The following SLC18A1 variants were observed in gnomAD, a reference collection of about 807,000 sequenced individuals.
The protein encoded by SLC18A1 is solute carrier family 18 member A1.
A neutral mutation model predicts 53.7 loss-of-function variants in SLC18A1; 69 were observed. The observed-to-expected ratio is 1.28, with a 90% confidence interval of 1.06 to 1.57. SLC18A1 has a LOEUF of 1.57. SLC18A1 is among the 40% of genes most tolerant of loss of function. SLC18A1 has a pLI of 0.00. For synonymous variants in SLC18A1, 320 were observed against 248.1 expected, an observed-to-expected ratio of 1.29 and a Z score of -2.72; for missense variants, 932 against 668.1, an observed-to-expected ratio of 1.40 and a Z score of -4.35.
intron 10 of SLC18A1, among the ~76,000 whole-genome samples, chr8:20,164,122 G>A (rs1230039170): frequency 6.6e-6 from 1 of 152,146 alleles, no homozygotes; most frequent in Admixed American, 6.5e-5. Context: ...ACTATATCAT[G>A]TTCTTATCAG....
At chr8:20,180,298 A>C (rs2072392010) in intron 2 of SLC18A1, among the ~76,000 whole-genome samples, 1 of 152,202 alleles carries the variant, frequency 6.6e-6, no homozygotes, top group Non-Finnish European at 1.5e-5. Context: ...CATATGTTTT[A>C]CCCAAGAGGA....
At chr8:20,165,141 T>A in intron 8 of SLC18A1, 34 bp from the exon 9 acceptor site, 1 of 1,524,154 alleles carries the variant, frequency 6.6e-7, no homozygotes, top group East Asian at 2.2e-5. Context: ...TGTCCATTTG[T>A]ACAGTGCATA....
chr8:20,177,094 C>T (rs75006749), intron 4 of SLC18A1, among the ~76,000 whole-genome samples: 6,818 of 152,266 alleles, frequency 0.045, 213 homozygotes, highest in Non-Finnish European at 0.068. Flanking sequence ...TGAAATAGGG[C>T]ACCTGGCATC....
At chr8:20,151,387 C>T (rs1336293940) in intron 10 of SLC18A1, among the ~76,000 whole-genome samples, 1 of 152,042 alleles carries the variant, frequency 6.6e-6, no homozygotes, top group Non-Finnish European at 1.5e-5. Context: ...TGATTATCAG[C>T]GTGAGAATGT....
At chr8:20,166,014 A>G (rs928364499) in intron 8 of SLC18A1, among the ~76,000 whole-genome samples, 2 of 152,172 alleles carry the variant, frequency 1.3e-5, no homozygotes, top group Non-Finnish European at 2.9e-5. Context: ...TAAAGAGATC[A>G]TTCGCTTACC....
In SLC18A1 at chr8:20,174,423, T is replaced by C. The variant is rs1202873343; in HGVS notation, c.569A>G (p.Tyr190Cys). The C allele has an allele frequency of 5.0e-6, 8 of 1,613,716 alleles. No homozygotes were observed. Among genetic ancestry groups the C allele is most frequent in the South Asian group, 2.2e-5 (2 of 91,064 alleles). Reference protein sequence around the residue: ...STVMFAFSGTYTLLFVARTLQ... With the variant: ...STVMFAFSGTCTLLFVARTLQ... ...GGTTCGGGCCACAAAGAGTAGAGTA[T>C]AGGTCCCAGAAAAAGCAAACACTGG... Residue 190 changes from tyrosine to cysteine, a missense_variant, in exon 5 of 16, where the codon TAT (tyrosine) becomes TGT (cysteine). By Grantham distance (194) the Tyr-to-Cys change is radical. Transcript: ENST00000276373.
intron 10 of SLC18A1, among the ~76,000 whole-genome samples, chr8:20,151,428 C>G (rs1375163199): frequency 6.6e-6 from 1 of 152,164 alleles, no homozygotes; most frequent in Non-Finnish European, 1.5e-5. Flanking sequence ...TTGGGTGCCA[C>G]ATACCCATAC....
chr8:20,156,824 C>G (rs1026504911), intron 10 of SLC18A1, among the ~76,000 whole-genome samples: 1 of 152,196 alleles, frequency 6.6e-6, no homozygotes. Context: ...AATCCTGACT[C>G]AAAGGGTTAC....
At chr8:20,176,005 A>C (rs1417547598) in intron 4 of SLC18A1, 1 of 152,126 alleles carries the variant, frequency 6.6e-6, no homozygotes, top group African/African-American at 2.4e-5. Context: ...ACTGAAACTC[A>C]AAATACCCCA....
chr8:20,153,996 C>T (rs900329070), intron 10 of SLC18A1, among the ~76,000 whole-genome samples: 2 of 152,132 alleles, frequency 1.3e-5, no homozygotes, highest in Admixed American at 6.6e-5. Context: ...GTGCTGTCCC[C>T]ATCCTCACGG....
intron 8 of SLC18A1, among the ~76,000 whole-genome samples, chr8:20,167,206 G>A (rs946676470): frequency 6.6e-6 from 1 of 151,708 alleles, no homozygotes; most frequent in African/African-American, 2.4e-5. Context: ...CACACTAAAG[G>A]TGGAAAAAAG....
intron 8 of SLC18A1, among the ~76,000 whole-genome samples, chr8:20,170,620 A>AT (rs2072088882): frequency 6.6e-6 from 1 of 152,078 alleles, no homozygotes; most frequent in South Asian, 2.1e-4. Flanking sequence ...ACAGTTAGGG[A>AT]TATTCACACA....
In SLC18A1 at chr8:20,178,416, G is replaced by C; in HGVS notation, c.547+19C>G. 1 of 1,599,502 alleles carries C rather than the reference G, an allele frequency of 6.3e-7. No homozygotes were observed. The highest frequency in any genetic ancestry group is 8.5e-7 in the Non-Finnish European group (1 of 1,171,082). The stretch of plus-strand genomic sequence containing the variant: ...AAGGTAATCAGTGAAGGGAAGAAAA[G>C]AGGAAGCAAATTACTTACTAACTGT... On this transcript the variant is annotated intron_variant, in intron 4 of 15. Coordinates refer to ENST00000276373, the MANE Select transcript of SLC18A1 (RefSeq NM_003053.4).
At chr8:20,159,115 A>C (rs1314333603) in intron 10 of SLC18A1, among the ~76,000 whole-genome samples, 1 of 152,154 alleles carries the variant, frequency 6.6e-6, no homozygotes, top group Non-Finnish European at 1.5e-5. Flanking sequence ...GTCTGTGACT[A>C]AGATCTACTA....
In SLC18A1 at chr8:20,181,094, A is replaced by C; in HGVS notation, c.-123-7T>G. ...CCCAGACGAAGGAAACTCACTATTA[A>C]AACGAAAAGTGCAAAGGGTTGCAAG... On this transcript the variant is annotated splice_region_variant and splice_polypyrimidine_tract_variant and intron_variant, in intron 1 of 15. Transcript: ENST00000276373. 9.1e-7 allele frequency: 1 copy of C among 1,103,136 alleles called. No individual in the cohort carries two copies. The highest frequency in any genetic ancestry group is 2.7e-5 in the East Asian group (1 of 37,270). The allele number at this position is 1,103,136 out of a possible 1,614,324, so 68.3% of individuals were successfully genotyped here.
At chr8:20,175,174 C>G (rs942912485) in intron 4 of SLC18A1, 7 of 152,230 alleles carry the variant, frequency 4.6e-5, no homozygotes, top group African/African-American at 1.7e-4. Flanking sequence ...CTCTGTCCTG[C>G]CAGGCTCCCA....
At position 20,174,358 on chromosome 8, in the gene SLC18A1, T is replaced by C; in HGVS notation, c.631+3A>G. The C allele has an allele frequency of 1.2e-6, 2 of 1,607,850 alleles. No homozygotes were observed. The highest frequency in any genetic ancestry group is 1.7e-6 in the Non-Finnish European group (2 of 1,174,336). ...TGTGTGCATGATGAGTTGCCAGTGTTACCTGCAACAGATGAAAATGAAGAT... is the reference window on the plus strand; with the variant it reads ...TGTGTGCATGATGAGTTGCCAGTGTCACCTGCAACAGATGAAAATGAAGAT... On this transcript the variant is annotated splice_donor_region_variant and intron_variant, in intron 5 of 15. Transcript: ENST00000276373.
At chr8:20,151,499 G>C (rs545515351) in intron 10 of SLC18A1, among the ~76,000 whole-genome samples, 1 of 152,262 alleles carries the variant, frequency 6.6e-6, no homozygotes, top group East Asian at 1.9e-4. Context: ...TTCTCTGAGA[G>C]GGATCTTGGA....
At chr8:20,149,778 AC>A in intron 11 of SLC18A1, 51 bp from the exon 12 acceptor site, 4 of 1,528,606 alleles carry the variant, frequency 2.6e-6, no homozygotes, top group Non-Finnish European at 3.6e-6. Flanking sequence ...GCTCCCCTCC[AC>A]CTGTACCCCA....
Sources: gnomAD v4.1 joint callset for allele counts (sites outside exome capture counted in the v4.1 genomes callset) on GRCh38, gnomAD v4.1.1 for gene constraint, MANE v1.5 for transcripts, NCBI Gene and HGNC (gene_info 2026-07-23, HGNC 2026-07-21) for gene names.